Variants in ZC3H12B observed in about 807,000 individuals in gnomAD.
ZC3H12B encodes zinc finger CCCH-type containing 12B.
ZC3H12B carries 7 observed loss-of-function variants against 43.9 expected under a neutral mutation model. That is an observed-to-expected ratio of 0.16 (90% CI 0.09 to 0.30). The LOEUF (loss-of-function observed/expected upper bound fraction) is 0.30, where lower values mean the gene tolerates loss of function less well. Among genes scored for constraint, ZC3H12B ranks in the 10% least tolerant of loss-of-function variants. The probability of loss-of-function intolerance (pLI) is 1.00; values close to 1 mark genes in which losing one functional copy is unlikely to be tolerated. For missense variants in ZC3H12B, 475 were observed against 670.2 expected (o/e 0.71, Z 3.22); for synonymous variants, 222 against 241.7 (o/e 0.92, Z 0.76).
the ZC3H12B span, among the ~76,000 whole-genome samples, chrX:65,236,083 C>A: frequency 2.7e-5 from 3 of 111,810 alleles, no homozygotes; most frequent in African/African-American, 9.8e-5. Context: ...TTGGAAAAAA[C>A]ACCATTTTAT....
the ZC3H12B span, among the ~76,000 whole-genome samples, chrX:65,157,861 T>G: frequency 0.013 from 1,371 of 105,471 alleles, 12 homozygotes; most frequent in Non-Finnish European, 0.019. Context: ...CATGCTGGTG[T>G]GCTGCACCCA....
the ZC3H12B span, among the ~76,000 whole-genome samples, chrX:65,167,398 C>T: frequency 2.7e-5 from 3 of 111,385 alleles, no homozygotes; most frequent in East Asian, 5.6e-4. Flanking sequence ...TTCTATTGGT[C>T]TATATCTCTG....
the ZC3H12B span, among the ~76,000 whole-genome samples, chrX:65,135,781 G>A: frequency 1.6e-4 from 9 of 56,081 alleles, no homozygotes; most frequent in African/African-American, 4.1e-4. Flanking sequence ...AATTTTTTCT[G>A]CCTTCCAGTT....
chrX:65,234,038 G>T, the ZC3H12B span, among the ~76,000 whole-genome samples: 1 of 111,311 alleles, frequency 9.0e-6, no homozygotes, highest in African/African-American at 3.3e-5. Flanking sequence ...TTACCCTGAT[G>T]CTAAGACCGG....
chrX:65,497,158 G>T (rs1370834085), exon 2 of ZC3H12B: 1 of 1,206,366 alleles, frequency 8.3e-7, no homozygotes, highest in African/African-American at 1.8e-5. Context: ...GAATTCTCCT[G>T]CAGAGGAATA....
intron 3 of ZC3H12B, among the ~76,000 whole-genome samples, chrX:65,409,234 T>C (rs899007383): frequency 1.1e-4 from 12 of 110,869 alleles, no homozygotes; most frequent in African/African-American, 3.9e-4. Context: ...AGGAAATCAC[T>C]GTATTAGGAA....
the ZC3H12B span, among the ~76,000 whole-genome samples, chrX:65,224,109 T>C: frequency 2.7e-5 from 3 of 112,629 alleles, no homozygotes; most frequent in Non-Finnish European, 5.6e-5. Flanking sequence ...TACAATGGAA[T>C]ATTACTCTGC....
the ZC3H12B span, among the ~76,000 whole-genome samples, chrX:65,118,407 G>C: frequency 5.4e-5 from 6 of 111,668 alleles, no homozygotes; most frequent in Non-Finnish European, 1.1e-4. Flanking sequence ...TTTGCACATT[G>C]ATTTTGTATC....
chrX:65,137,363 AG>A, the ZC3H12B span, among the ~76,000 whole-genome samples: 1 of 112,276 alleles, frequency 8.9e-6, no homozygotes, highest in African/African-American at 3.2e-5. Context: ...ATAAAATTTC[AG>A]TGTTGCTTGT....
intron 3 of ZC3H12B, among the ~76,000 whole-genome samples, chrX:65,477,636 C>T (rs2068011689): frequency 9.1e-6 from 1 of 110,373 alleles, no homozygotes; most frequent in African/African-American, 3.3e-5. Context: ...GTGGCAGGTG[C>T]CTGTAATCCC....
At chrX:65,305,325 A>T in the ZC3H12B span, among the ~76,000 whole-genome samples, 52 of 111,643 alleles carry the variant, frequency 4.7e-4, no homozygotes, top group Admixed American at 1.4e-3. Context: ...CCAATCTGCA[A>T]CATTTAAAAA....
chrX:65,140,694 G>A, the ZC3H12B span, among the ~76,000 whole-genome samples: 1 of 112,012 alleles, frequency 8.9e-6, no homozygotes, highest in African/African-American at 3.2e-5. Flanking sequence ...AAAGCCATCA[G>A]TTCTTGGGCT....
chrX:65,149,889 C>T, the ZC3H12B span, among the ~76,000 whole-genome samples: 1 of 109,211 alleles, frequency 9.2e-6, no homozygotes, highest in Non-Finnish European at 1.9e-5. Flanking sequence ...ATGTTTAGAT[C>T]TTACTTATGA....
intron 2 of ZC3H12B, among the ~76,000 whole-genome samples, chrX:65,378,667 G>T (rs1442953718): frequency 8.9e-6 from 1 of 112,170 alleles, no homozygotes; most frequent in Non-Finnish European, 1.9e-5. Flanking sequence ...GACTCAGAAG[G>T]GTGATTTCTG....
chrX:65,224,384 G>A, the ZC3H12B span, among the ~76,000 whole-genome samples: 1 of 112,327 alleles, frequency 8.9e-6, no homozygotes, highest in African/African-American at 3.2e-5. Flanking sequence ...TCTGAAATCG[G>A]GGGAGGGAGC....
At chrX:65,453,891 A>G (rs182410268) in intron 3 of ZC3H12B, among the ~76,000 whole-genome samples, 1 of 112,175 alleles carries the variant, frequency 8.9e-6, no homozygotes, top group East Asian at 2.8e-4. Context: ...TAAGAATTAT[A>G]CAATGGACTT....
chrX:65,043,187 T>A, the ZC3H12B span, among the ~76,000 whole-genome samples: 1 of 111,077 alleles, frequency 9.0e-6, no homozygotes, highest in Non-Finnish European at 1.9e-5. Flanking sequence ...GGACATACAA[T>A]TCCCAGAGAA....
the ZC3H12B span, among the ~76,000 whole-genome samples, chrX:65,082,865 C>G: frequency 1.8e-5 from 2 of 111,091 alleles, no homozygotes; most frequent in Non-Finnish European, 3.8e-5. Flanking sequence ...TCAATAAACT[C>G]TAGCAAACTG....
the ZC3H12B span, among the ~76,000 whole-genome samples, chrX:65,236,336 A>G: frequency 1.8e-5 from 2 of 111,693 alleles, no homozygotes; most frequent in African/African-American, 6.5e-5. Context: ...TTTCTTAGCC[A>G]CATGAATGTT....
Sources: allele counts gnomAD v4.1 joint callset (sites outside exome capture counted in the v4.1 genomes callset), GRCh38; gene constraint gnomAD v4.1.1; transcripts MANE v1.5; gene names NCBI Gene and HGNC (gene_info 2026-07-23, HGNC 2026-07-21).